ZDHHC21: variants seen among roughly 807,000 people sequenced by gnomAD.
ZDHHC21 encodes the protein zDHHC palmitoyltransferase 21, also known as palmitoyltransferase ZDHHC21.
ZDHHC21 carries 15 observed loss-of-function variants against 34.6 expected under a neutral mutation model. The observed-to-expected ratio is 0.43, with a 90% CI of 0.29 to 0.67. The LOEUF is 0.67. ZDHHC21 is among the 30% of genes least tolerant of loss of function. The pLI is 0.14. For missense variants in ZDHHC21, 344 were observed against 327.7 expected (o/e 1.05, Z -0.38); for synonymous variants, 142 against 101.8 (o/e 1.40, Z -2.38).
At chr9:14,688,383 C>T (rs1838668409) in intron 2 of ZDHHC21, among the ~76,000 whole-genome samples, 1 of 150,774 alleles carries the variant, frequency 6.6e-6, no homozygotes, top group Admixed American at 6.6e-5. Flanking sequence ...TTACAAACTC[C>T]AGAATGAAAC....
intron 7 of ZDHHC21, among the ~76,000 whole-genome samples, chr9:14,643,049 G>C (rs1192489389): frequency 6.6e-6 from 1 of 152,022 alleles, no homozygotes; most frequent in African/African-American, 2.4e-5. Context: ...GACTAGCCTG[G>C]CCAACAGGCG....
intron 7 of ZDHHC21, among the ~76,000 whole-genome samples, chr9:14,643,351 T>A (rs1436939045): frequency 6.6e-6 from 1 of 152,164 alleles, no homozygotes; most frequent in Non-Finnish European, 1.5e-5. Flanking sequence ...TCCTTCCCCA[T>A]TGCTGGCTCT....
In ZDHHC21 at chr9:14,654,308, T is replaced by G. The variant is rs138608126; in HGVS notation, c.504+4441A>C. 1.4e-4 allele frequency among the ~76,000 whole-genome samples: 22 copies of G among 152,166 alleles called. No homozygotes were observed. In the East Asian group the frequency reaches 2.3e-3, roughly 16 times the overall value. On this transcript the variant is annotated intron_variant, in intron 7 of 9. Coordinates refer to ENST00000380916, the MANE Select transcript of ZDHHC21 (RefSeq NM_178566.6). ...TAGCATCTTTCCAAAAACTGCTATA[T>G]TAAGACCAATGTTCTGTTATTTAGC...
chr9:14,664,415 G>A (rs1048228314), intron 5 of ZDHHC21, among the ~76,000 whole-genome samples: 16 of 150,440 alleles, frequency 1.1e-4, no homozygotes, highest in Admixed American at 5.3e-4. Context: ...ACTGCAAGGC[G>A]GCAGCCAGGC....
In ZDHHC21 at chr9:14,676,539, T is replaced by C. The variant is rs1200358527; in HGVS notation, c.-45-2154A>G. Among the ~76,000 whole-genome samples the C allele has an allele frequency of 2.0e-5, 3 of 151,956 alleles. No individual in the cohort carries two copies. In the East Asian group the frequency reaches 5.8e-4, roughly 29 times the overall value. On this transcript the variant is annotated intron_variant, in intron 3 of 9. Transcript: ENST00000380916. Reference sequence around the variant, plus strand: ...AAACAAAACAAAAAAAGAACTCAAATGTAATACCACTTAATAGTTTAAATC... The same window carrying C: ...AAACAAAACAAAAAAAGAACTCAAACGTAATACCACTTAATAGTTTAAATC...
At chr9:14,627,299 C>T (rs966272350) in intron 8 of ZDHHC21, among the ~76,000 whole-genome samples, 2 of 152,080 alleles carry the variant, frequency 1.3e-5, no homozygotes, top group Admixed American at 1.3e-4. Flanking sequence ...AAAACTGTCA[C>T]CCCTGCATTT....
chr9:14,659,376 A>T (rs1261156677), intron 6 of ZDHHC21, among the ~76,000 whole-genome samples: 1 of 152,188 alleles, frequency 6.6e-6, no homozygotes, highest in Non-Finnish European at 1.5e-5. Flanking sequence ...TTCACTTTTC[A>T]TTTTAAAAAT....
intron 7 of ZDHHC21, among the ~76,000 whole-genome samples, chr9:14,651,581 G>A (rs918781155): frequency 1.3e-5 from 2 of 151,718 alleles, no homozygotes; most frequent in Non-Finnish European, 3.0e-5. Context: ...ACTAATCCAA[G>A]TAATACACAA....
At chr9:14,647,924 C>G (rs1369907176) in intron 7 of ZDHHC21, among the ~76,000 whole-genome samples, 1 of 152,112 alleles carries the variant, frequency 6.6e-6, no homozygotes, top group Non-Finnish European at 1.5e-5. Flanking sequence ...GCTCAGACCA[C>G]CCCATTGAAA....
chr9:14,664,675 C>G (rs918216888), intron 5 of ZDHHC21, among the ~76,000 whole-genome samples: 1 of 151,832 alleles, frequency 6.6e-6, no homozygotes, highest in Non-Finnish European at 1.5e-5. Context: ...GGCAGACTGC[C>G]TCCTCAAGTG....
At chr9:14,649,924 A>G (rs927588120) in intron 7 of ZDHHC21, among the ~76,000 whole-genome samples, 43 of 152,238 alleles carry the variant, frequency 2.8e-4, no homozygotes, top group African/African-American at 9.9e-4. Flanking sequence ...GGTAAAAGTA[A>G]AAGAAGAGTA....
chr9:14,655,277 T>C (rs1022488560), intron 7 of ZDHHC21, among the ~76,000 whole-genome samples: 1 of 151,394 alleles, frequency 6.6e-6, no homozygotes, highest in African/African-American at 2.4e-5. Context: ...CCTTCAAAAA[T>C]GAAGGAGAAA....
intron 7 of ZDHHC21, among the ~76,000 whole-genome samples, chr9:14,655,203 T>C (rs1244496100): frequency 1.3e-5 from 2 of 151,940 alleles, no homozygotes; most frequent in Non-Finnish European, 2.9e-5. Flanking sequence ...GACAATGGAA[T>C]AACATCTTTT....
chr9:14,659,725 A>G (rs1487489621), intron 6 of ZDHHC21, among the ~76,000 whole-genome samples: 1 of 152,212 alleles, frequency 6.6e-6, no homozygotes, highest in East Asian at 1.9e-4. Context: ...TAACTTTGTC[A>G]TTAAACCATT....
At chr9:14,665,011 G>C (rs1208612329) in intron 5 of ZDHHC21, among the ~76,000 whole-genome samples, 1 of 130,698 alleles carries the variant, frequency 7.7e-6, no homozygotes, top group Non-Finnish European at 1.6e-5. Flanking sequence ...TGACTTTGAC[G>C]AGCTGAGAGA....
Position 14,624,082 on chromosome 9 carries a change from C to CTA in ZDHHC21, c.622-4401_622-4400insTA, listed in dbSNP as rs1330624898. On this transcript the variant is annotated intron_variant, in intron 8 of 9. Transcript: ENST00000380916. ...TTCAATCAACCATGGATCGAAAATA[C>CTA]TTTAAGAAAAACTATTTAAAAAAAT... is the stretch of plus-strand genomic sequence containing the variant. Among the ~76,000 whole-genome samples the CTA allele has an allele frequency of 4.3e-3, 650 of 151,940 alleles. 5 individuals are homozygous for CTA. Among genetic ancestry groups the CTA allele is most frequent in the African/African-American group, 0.015 (629 of 41,470 alleles).
chr9:14,624,768 A>G (rs1000709289), intron 8 of ZDHHC21, among the ~76,000 whole-genome samples: 2 of 152,090 alleles, frequency 1.3e-5, no homozygotes, highest in Non-Finnish European at 2.9e-5. Flanking sequence ...AAAGTACTGT[A>G]CATCTCAGAA....
chr9:14,636,690 T>A (rs1828372296), intron 8 of ZDHHC21, among the ~76,000 whole-genome samples: 1 of 152,124 alleles, frequency 6.6e-6, no homozygotes, highest in African/African-American at 2.4e-5. Context: ...GAAAAAAATC[T>A]AAATTGTATC....
Position 14,619,670 on chromosome 9 carries a change from T to C in ZDHHC21, c.634A>G (p.Ile212Val), listed in dbSNP as rs764229717. The stretch of plus-strand genomic sequence containing the variant: ...TCACAACAGTTTGACATCTTTTCAA[T>C]AGATGTTGTATCCTATTAAAAATAA... ...LIGIITDTTS[I>V]EKMSNCCEDI... Residue 212 changes from isoleucine to valine, a missense_variant, in exon 9 of 10, where the codon ATT becomes GTT. By Grantham distance (29) the Ile-to-Val change is conservative. Transcript: ENST00000380916. 56 of 1,397,760 alleles carry C rather than the reference T, an allele frequency of 4.0e-5. No individual in the cohort carries two copies. The highest frequency in any genetic ancestry group is 2.2e-4 in the Middle Eastern group (1 of 4,646). 86.6% of individuals were successfully genotyped at this position (1,397,760 alleles called of 1,614,324 possible). A position where few individuals can be genotyped will look rare whatever the true frequency, so the allele number is the denominator to read the frequency against.
Sources: allele counts gnomAD v4.1 joint callset (sites outside exome capture counted in the v4.1 genomes callset), GRCh38; gene constraint gnomAD v4.1.1; transcripts MANE v1.5; gene names NCBI Gene and HGNC (gene_info 2026-07-23, HGNC 2026-07-21).